NCK2: variants seen among roughly 807,000 people sequenced by gnomAD.
The protein encoded by NCK2 is cytoplasmic protein NCK2.
Under a neutral mutation model 33.9 loss-of-function variants are expected in NCK2, and 16 were observed. The observed-to-expected ratio is 0.47, with a 90% confidence interval of 0.32 to 0.72. The LOEUF (loss-of-function observed/expected upper bound fraction) is 0.72. NCK2 is among the 30% of genes least tolerant of loss of function. The pLI, the probability that NCK2 is intolerant of heterozygous loss-of-function variation, is 0.03. For missense variants in NCK2, 418 were observed against 537.3 expected (o/e 0.78, Z 2.19); for synonymous variants, 273 against 239.9 (o/e 1.14, Z -1.27).
chr2:105,807,925 G>A (rs1675146007), intron 1 of NCK2, among the ~76,000 whole-genome samples: 2 of 144,840 alleles, frequency 1.4e-5, no homozygotes, highest in Non-Finnish European at 3.0e-5. Context: ...CTCTGTCTCT[G>A]ATGAAGTCTC....
intron 1 of NCK2, among the ~76,000 whole-genome samples, chr2:105,816,190 C>T (rs555537179): frequency 5.3e-5 from 8 of 152,252 alleles, no homozygotes; most frequent in Non-Finnish European, 1.0e-4. Flanking sequence ...CCTGTGGTCC[C>T]AGCTAATGGG....
intron 2 of NCK2, among the ~76,000 whole-genome samples, chr2:105,830,705 GTGTGTGTGTGTT>G (rs1428936168): frequency 2.8e-5 from 4 of 144,268 alleles, no homozygotes; most frequent in Admixed American, 6.9e-5. Context: ...GTGTGTGTGT[GTGTGTGTGTGTT>G]TGGTCTGATA....
intron 1 of NCK2, among the ~76,000 whole-genome samples, chr2:105,774,065 G>A (rs1343461192): frequency 6.7e-6 from 1 of 149,814 alleles, no homozygotes; most frequent in Non-Finnish European, 1.5e-5. Flanking sequence ...CTGGAGTGCA[G>A]TGGCACAATC....
chr2:105,855,368 T>TAAAA, intron 3 of NCK2, 79 bp downstream of exon 3: 1 of 820,556 alleles, frequency 1.2e-6, no homozygotes, highest in Non-Finnish European at 1.6e-6. Flanking sequence ...GTTTGCTGTT[T>TAAAA]CAAAAAAAAA....
At chr2:105,836,685 G>A (rs557409595) in intron 2 of NCK2, among the ~76,000 whole-genome samples, 209 of 152,274 alleles carry the variant, frequency 1.4e-3, no homozygotes, top group African/African-American at 4.9e-3. Context: ...GGGTTCAGGT[G>A]TTGGGATTAG....
At chr2:105,885,836 G>T (rs1284258505) in intron 4 of NCK2, among the ~76,000 whole-genome samples, 1 of 152,142 alleles carries the variant, frequency 6.6e-6, no homozygotes, top group Non-Finnish European at 1.5e-5. Context: ...ATTTAGAACT[G>T]AAGCTTTTGT....
intron 4 of NCK2, among the ~76,000 whole-genome samples, chr2:105,888,900 T>C (rs569639417): frequency 1.3e-5 from 2 of 152,360 alleles, no homozygotes; most frequent in East Asian, 3.9e-4. Flanking sequence ...GCCAGCATCC[T>C]GACTGCATGT....
chr2:105,809,177 C>T (rs1412140260), intron 1 of NCK2, among the ~76,000 whole-genome samples: 1 of 152,130 alleles, frequency 6.6e-6, no homozygotes, highest in Non-Finnish European at 1.5e-5. Context: ...GTGTGGGTCA[C>T]CTGGTGGTTT....
intron 2 of NCK2, among the ~76,000 whole-genome samples, chr2:105,825,435 T>G (rs182064166): frequency 6.6e-6 from 1 of 152,202 alleles, no homozygotes; most frequent in African/African-American, 2.4e-5. Flanking sequence ...TGTCTTATGC[T>G]CAGAAATTTA....
At chr2:105,801,861 C>T (rs1165595953) in intron 1 of NCK2, among the ~76,000 whole-genome samples, 2 of 152,062 alleles carry the variant, frequency 1.3e-5, no homozygotes, top group Admixed American at 1.3e-4. Flanking sequence ...TAGAGTTAGT[C>T]GTCTTGCTGA....
chr2:105,799,650 A>G (rs1259309000), intron 1 of NCK2, among the ~76,000 whole-genome samples: 2 of 152,218 alleles, frequency 1.3e-5, no homozygotes, highest in African/African-American at 2.4e-5. Context: ...GAATACCACT[A>G]TATGAAAGCC....
At chr2:105,746,920 C>T (rs1689306721) in intron 1 of NCK2, among the ~76,000 whole-genome samples, 1 of 152,166 alleles carries the variant, frequency 6.6e-6, no homozygotes. Flanking sequence ...TCCCGGAGGC[C>T]TCGCCTGGAT....
Position 105,876,760 on chromosome 2 carries a change from C to T in NCK2, c.227-4568C>T, listed in dbSNP as rs74389126. On this transcript the variant is annotated intron_variant, in intron 3 of 4. Transcript: ENST00000233154. Reference sequence around the variant, plus strand: ...GGTTTTACTTTAATGAAAGATGAGGCGATGAAGCGGAGATGTGTAGAAAAA... The same window carrying T: ...GGTTTTACTTTAATGAAAGATGAGGTGATGAAGCGGAGATGTGTAGAAAAA... Among the ~76,000 whole-genome samples, 647 of 152,130 alleles carry T rather than the reference C, an allele frequency of 4.3e-3. 6 individuals are homozygous for T. Among genetic ancestry groups the T allele is most frequent in the African/African-American group, 0.015 (623 of 41,498 alleles).
intron 2 of NCK2, among the ~76,000 whole-genome samples, chr2:105,836,745 T>G (rs910815278): frequency 6.6e-6 from 1 of 151,964 alleles, no homozygotes; most frequent in African/African-American, 2.4e-5. Context: ...GCTCTTTGGG[T>G]GGATACGGTG....
At chr2:105,788,310 C>T (rs1021592122) in intron 1 of NCK2, among the ~76,000 whole-genome samples, 1 of 152,118 alleles carries the variant, frequency 6.6e-6, no homozygotes, top group Admixed American at 6.5e-5. Flanking sequence ...GAGTTAAAGC[C>T]ATTGCTTAAA....
chr2:105,749,788 G>A (rs1477535064), intron 1 of NCK2, among the ~76,000 whole-genome samples: 2 of 151,964 alleles, frequency 1.3e-5, no homozygotes, highest in Non-Finnish European at 2.9e-5. Context: ...ATGGGCCAGG[G>A]TTACCCTGGA....
chr2:105,788,367 G>A (rs1015571050), intron 1 of NCK2, among the ~76,000 whole-genome samples: 4 of 152,084 alleles, frequency 2.6e-5, no homozygotes, highest in African/African-American at 4.8e-5. Flanking sequence ...TTCTATCAAC[G>A]CCATTTAGAT....
chr2:105,769,073 G>T (rs1427965693), intron 1 of NCK2, among the ~76,000 whole-genome samples: 2 of 152,120 alleles, frequency 1.3e-5, no homozygotes, highest in Non-Finnish European at 2.9e-5. Context: ...CTATCTAGGG[G>T]CACCCCCCAA....
At chr2:105,811,316 C>G (rs1478378709) in intron 1 of NCK2, among the ~76,000 whole-genome samples, 1 of 152,148 alleles carries the variant, frequency 6.6e-6, no homozygotes, top group Non-Finnish European at 1.5e-5. Context: ...GATGAGGGAA[C>G]AGAGAGGCAT....
Sources: allele counts gnomAD v4.1 joint callset (sites outside exome capture counted in the v4.1 genomes callset), GRCh38; gene constraint gnomAD v4.1.1; transcripts MANE v1.5; gene names NCBI Gene and HGNC (gene_info 2026-07-23, HGNC 2026-07-21).